CCNH: variants seen among roughly 807,000 people sequenced by gnomAD.
The protein encoded by CCNH is cyclin H, also known as cyclin-H.
A neutral mutation model predicts 41.9 loss-of-function variants in CCNH; 31 were observed. The observed-to-expected ratio is 0.74, with a 90% CI of 0.56 to 1.00. The LOEUF (loss-of-function observed/expected upper bound fraction) is 1.00. Ranked by LOEUF, CCNH falls within the 50% of genes least tolerant of loss-of-function variation. The pLI, the probability that CCNH is intolerant of heterozygous loss-of-function variation, is 0.00. For missense variants in CCNH, 362 were observed against 388.4 expected (o/e 0.93, Z 0.57); for synonymous variants, 138 against 136.1 (o/e 1.01, Z -0.10).
At chr5:87,347,783 A>G (rs1054394019) in intron 9 of CCNH, among the ~76,000 whole-genome samples, 2 of 152,054 alleles carry the variant, frequency 1.3e-5, no homozygotes, top group Non-Finnish European at 1.5e-5. Flanking sequence ...CTAAAATGAC[A>G]TTCTGTCAGC....
At chr5:87,316,178 G>T (rs1003092457), downstream of CCNH, among the ~76,000 whole-genome samples, 3 of 152,128 alleles carry the variant, frequency 2.0e-5, no homozygotes, top group Non-Finnish European at 4.4e-5. Context: ...CAAATATGAC[G>T]AATGGTTAGC....
At chr5:87,318,794 A>C (rs1200831267) in exon 10 of CCNH, 1 of 152,216 alleles carries the variant, frequency 6.6e-6, no homozygotes, top group African/African-American at 2.4e-5. Context: ...TCAAGACACA[A>C]TCATGCCTTC....
At chr5:87,382,930 A>T (rs986802310) in intron 9 of CCNH, among the ~76,000 whole-genome samples, 8 of 122,296 alleles carry the variant, frequency 6.5e-5, no homozygotes, top group Non-Finnish European at 8.5e-5. Flanking sequence ...AAAAATAATT[A>T]AAAAAAAAAA....
At chr5:87,337,453 A>C (rs76173087) in intron 9 of CCNH, among the ~76,000 whole-genome samples, 1 of 152,194 alleles carries the variant, frequency 6.6e-6, no homozygotes, top group East Asian at 1.9e-4. Flanking sequence ...TTTTTATAAG[A>C]AAAATGTTAA....
chr5:87,408,133 G>A lies in CCNH; in HGVS notation c.368C>T (p.Pro123Leu). The change falls in exon 4 of 9, where the codon CCT becomes CTT. Residue 123 changes from proline (P) to leucine (L), a missense_variant. Physicochemically the swap from Pro to Leu is moderately conservative, Grantham distance 98. Transcript: ENST00000256897. ...CTCCCGGAGGTTTCCAACAAACTGA[G>A]GACTAGATACATTGAATTCATCTAC... Reference protein sequence around the residue: ...CKVDEFNVSSPQFVGNLRESP... With the variant: ...CKVDEFNVSSLQFVGNLRESP... The A allele has an allele frequency of 6.2e-7, 1 of 1,613,002 alleles. No homozygotes were observed. Among genetic ancestry groups the A allele is most frequent in the Non-Finnish European group, 8.5e-7 (1 of 1,179,494 alleles).
chr5:87,372,616 TATTTA>T, downstream of CCNH, among the ~76,000 whole-genome samples: 1 of 152,302 alleles, frequency 6.6e-6, no homozygotes, highest in South Asian at 2.1e-4. Context: ...TCTTAGGAAA[TATTTA>T]ATCTTATTTG....
downstream of CCNH, among the ~76,000 whole-genome samples, chr5:87,373,544 G>C (rs1761103053): frequency 6.6e-6 from 1 of 152,008 alleles, no homozygotes; most frequent in African/African-American, 2.4e-5. Context: ...TTAGAAAGAT[G>C]AGGCTTAGAG....
Position 87,337,966 on chromosome 5 carries a change from A to G in CCNH, c.*91-19069T>C, listed in dbSNP as rs1274575286. The G allele has an allele frequency of 1.2e-6, 2 of 1,603,278 alleles. No homozygotes were observed. Among genetic ancestry groups the G allele is most frequent in the Non-Finnish European group, 1.7e-6 (2 of 1,175,818 alleles). On this transcript the variant is annotated intron_variant and NMD_transcript_variant, in intron 9 of 9. Transcript: ENST00000645953. The stretch of plus-strand genomic sequence containing the variant: ...TAAATTTAATAACTTTAAAATTGCT[A>G]TTTTCAGTTTCTTAAAAGGAGATAT...
chr5:87,405,077 T>G (rs1386255180), intron 4 of CCNH, 70 bp from the exon 5 acceptor site: 16 of 1,057,184 alleles, frequency 1.5e-5, no homozygotes, highest in Non-Finnish European at 2.1e-5. Context: ...GTTTAAAAAT[T>G]ACACAACTCC....
At chr5:87,374,457 A>ATT (rs1441691916), downstream of CCNH, 11 of 244,004 alleles carry the variant, frequency 4.5e-5, no homozygotes, top group South Asian at 1.5e-4. Flanking sequence ...ATATATATAT[A>ATT]TATTTTTTTT....
At chr5:87,385,428 T>C (rs1293072117) in intron 9 of CCNH, 3 of 1,448,662 alleles carry the variant, frequency 2.1e-6, no homozygotes, top group Non-Finnish European at 9.7e-7. Context: ...AATTTATGAA[T>C]GCAAGTTTGA....
At chr5:87,322,208 C>T (rs1172362318) in intron 9 of CCNH, among the ~76,000 whole-genome samples, 1 of 152,062 alleles carries the variant, frequency 6.6e-6, no homozygotes, top group Non-Finnish European at 1.5e-5. Context: ...CTGTCTATGG[C>T]CTGTTAGGAG....
At chr5:87,363,253 T>C (rs1178904169) in intron 9 of CCNH, 9 of 1,145,772 alleles carry the variant, frequency 7.9e-6, no homozygotes, top group Non-Finnish European at 1.1e-5. Flanking sequence ...GGAATAAAAA[T>C]TGATTGATTC....
intron 1 of CCNH, chr5:87,412,261 C>T: frequency 7.3e-6 from 2 of 272,450 alleles, no homozygotes; most frequent in Non-Finnish European, 1.2e-5. Flanking sequence ...ACAAACACGT[C>T]CACGCACCAT....
At chr5:87,374,427 C>A, downstream of CCNH, 1 of 789,538 alleles carries the variant, frequency 1.3e-6, no homozygotes, top group Non-Finnish European at 1.9e-6. Context: ...GTACCATATC[C>A]AGGTGTTCTA....
At chr5:87,319,817 C>T (rs1376470721) in intron 9 of CCNH, among the ~76,000 whole-genome samples, 1 of 152,178 alleles carries the variant, frequency 6.6e-6, no homozygotes. Context: ...TGAATTTCTC[C>T]CCCCAAAATG....
chr5:87,359,063 T>C (rs540656616), intron 9 of CCNH, among the ~76,000 whole-genome samples: 1 of 152,318 alleles, frequency 6.6e-6, no homozygotes. Flanking sequence ...AATCTTTCCC[T>C]GGTTAGAATA....
At chr5:87,394,658 ACTC>A in intron 8 of CCNH, 174 bp from the exon 9 acceptor site, 1 of 1,399,196 alleles carries the variant, frequency 7.1e-7, no homozygotes. Context: ...GTCTCACCAG[ACTC>A]CTCCAGTGAG....
downstream of CCNH, among the ~76,000 whole-genome samples, chr5:87,317,191 A>G (rs1756408222): frequency 6.6e-6 from 1 of 152,062 alleles, no homozygotes; most frequent in South Asian, 2.1e-4. Flanking sequence ...CGGATACCAC[A>G]AATTTGTGGT....
Sources: allele counts gnomAD v4.1 joint callset (sites outside exome capture counted in the v4.1 genomes callset), GRCh38; gene constraint gnomAD v4.1.1; transcripts MANE v1.5; gene names NCBI Gene and HGNC (gene_info 2026-07-23, HGNC 2026-07-21).